Variants in PTPRN2 observed in about 807,000 individuals in gnomAD.
The protein encoded by PTPRN2 is receptor-type tyrosine-protein phosphatase N2.
Under a neutral mutation model 118.8 loss-of-function variants are expected in PTPRN2, and 74 were observed. The observed-to-expected ratio is 0.62, with a 90% CI of 0.52 to 0.76. PTPRN2 has a LOEUF of 0.76. Among genes scored for constraint, PTPRN2 ranks in the 30% least tolerant of loss-of-function variants. The pLI is 0.00. For synonymous variants in PTPRN2, 641 were observed against 608.0 expected, an observed-to-expected ratio of 1.05 and a Z score of -0.80; for missense variants, 1,481 against 1,394.4, an observed-to-expected ratio of 1.06 and a Z score of -0.99.
At chr7:158,194,156 AGT>A (rs769746912) in intron 4 of PTPRN2, among the ~76,000 whole-genome samples, 5 of 146,978 alleles carry the variant, frequency 3.4e-5, no homozygotes, top group African/African-American at 5.2e-5. Flanking sequence ...TGTGTGTGTG[AGT>A]GTGTGAGGGG....
At position 157,986,493 on chromosome 7, in the gene PTPRN2, C is replaced by T. The variant is rs559894945; in HGVS notation, c.1724-87756G>A. ...GAACTGGCTGCATCCGTCTCCATCT[C>T]CCCAAGCACAGGCCATGCCTGCCTC... is the stretch of plus-strand genomic sequence containing the variant. On this transcript the variant is annotated intron_variant, in intron 11 of 22. Transcript: ENST00000389418. This position sits in a 1 kb window ranked among gnomAD's most constrained non-coding sequence, Gnocchi z 4.5. Among the ~76,000 whole-genome samples, 1 of 152,080 alleles carries T rather than the reference C, an allele frequency of 6.6e-6. No individual in the cohort carries two copies.
chr7:158,133,727 C>G lies in PTPRN2; in HGVS notation c.1506G>C (p.Glu502Asp), dbSNP rs752438323. The G allele has an allele frequency of 1.2e-6, 2 of 1,611,132 alleles. No individual in the cohort carries two copies. The highest frequency in any genetic ancestry group is 1.7e-6 in the Non-Finnish European group (2 of 1,178,266). Residue 502 changes from glutamate (E) to aspartate (D), a missense_variant, in exon 9 of 23, where the codon GAG becomes GAC. Glu to Asp is a conservative substitution (Grantham distance 45). Coordinates refer to ENST00000389418, the MANE Select transcript of PTPRN2 (RefSeq NM_002847.5). ...QEALSDGLQL[E>D]VQPSEEEARG... Reference sequence around the variant, plus strand: ...GCGCCTCTTCCTCGGAAGGCTGGACCTCCAATTGCAGGCCGTCGCTGAGGG... The same window carrying G: ...GCGCCTCTTCCTCGGAAGGCTGGACGTCCAATTGCAGGCCGTCGCTGAGGG...
In PTPRN2 at chr7:157,622,543, C is replaced by T. The variant is rs769411223; in HGVS notation, c.2197-1034G>A. ...ACACAGAGGGAGGGAGGGCTGGACA[C>T]GGCGAGGCGGGAATCTCAGGTCATC... On this transcript the variant is annotated intron_variant, in intron 14 of 22. Transcript: ENST00000389418. This position sits in a 1 kb window ranked among gnomAD's most constrained non-coding sequence, Gnocchi z 5.3. 2.7e-4 allele frequency among the ~76,000 whole-genome samples: 41 copies of T among 152,108 alleles called. No homozygotes were observed. Among genetic ancestry groups the T allele is most frequent in the African/African-American group, 8.0e-4 (33 of 41,432 alleles).
chr7:158,322,054 A>G (rs1803066844), intron 2 of PTPRN2, among the ~76,000 whole-genome samples: 2 of 152,142 alleles, frequency 1.3e-5, no homozygotes, highest in South Asian at 4.2e-4. Context: ...GCTCTCATCA[A>G]CGAGGCTCAT....
chr7:157,686,407 C>T (rs1797196266), intron 12 of PTPRN2, among the ~76,000 whole-genome samples: 1 of 152,180 alleles, frequency 6.6e-6, no homozygotes. Context: ...AATGACTTGA[C>T]TCCCTTTTTG....
chr7:157,887,453 T>TC (rs1796523715), intron 12 of PTPRN2, among the ~76,000 whole-genome samples: 3 of 17,886 alleles, frequency 1.7e-4, no homozygotes, highest in African/African-American at 7.5e-4. Context: ...ACCCACTTCC[T>TC]CCAGTACCCG....
At chr7:158,561,273 A>G (rs1195609120) in intron 1 of PTPRN2, among the ~76,000 whole-genome samples, 1 of 152,224 alleles carries the variant, frequency 6.6e-6, no homozygotes, top group African/African-American at 2.4e-5. Context: ...TTTGAAAATT[A>G]CAATTCTGTA....
rs1190026653 is a variant in PTPRN2, at chr7:158,441,245, GGTGA to G, written c.163+48486_163+48489del. ...TGATAGTAATGGTGATGGCAATGAAGGTGATGGTGATGGTGATGGTGATAGTGAT... is the reference window on the plus strand; with the variant it reads ...TGATAGTAATGGTGATGGCAATGAAGTGGTGATGGTGATGGTGATAGTGAT... On this transcript the variant is annotated intron_variant, in intron 2 of 22. Coordinates refer to ENST00000389418, the MANE Select transcript of PTPRN2 (RefSeq NM_002847.5). 6.2e-4 allele frequency among the ~76,000 whole-genome samples: 66 copies of G among 106,850 alleles called. 1 individual carries two copies. Among genetic ancestry groups the G allele is most frequent in the Non-Finnish European group, 1.0e-3 (45 of 44,480 alleles). The allele number at this position is 106,850 out of a possible 152,430, so 70.1% of individuals were successfully genotyped here.
At chr7:157,955,325 C>T (rs1801113776) in intron 11 of PTPRN2, among the ~76,000 whole-genome samples, 1 of 151,756 alleles carries the variant, frequency 6.6e-6, no homozygotes, top group African/African-American at 2.4e-5. Context: ...GGGAGGGTAC[C>T]ATCATGTTTG....
chr7:157,811,332 T>TTATATATATATATA (rs71189737), intron 12 of PTPRN2, among the ~76,000 whole-genome samples: 2,987 of 130,840 alleles, frequency 0.023, 42 homozygotes, highest in Non-Finnish European at 0.025. Flanking sequence ...ATCTACTCTA[T>TTATATATATATATA]TATATATATA....
At chr7:158,350,394 G>A (rs1807838244) in intron 2 of PTPRN2, among the ~76,000 whole-genome samples, 1 of 152,236 alleles carries the variant, frequency 6.6e-6, no homozygotes, top group African/African-American at 2.4e-5. Context: ...AGTGCAGGGA[G>A]GTTGGAATGA....
intron 3 of PTPRN2, among the ~76,000 whole-genome samples, chr7:158,250,811 G>T (rs1796606267): frequency 6.6e-6 from 1 of 152,122 alleles, no homozygotes; most frequent in Non-Finnish European, 1.5e-5. Flanking sequence ...TTTTCAACCA[G>T]TCATAAATGT....
chr7:158,307,897 A>G (rs1801412404), intron 3 of PTPRN2, among the ~76,000 whole-genome samples: 1 of 152,096 alleles, frequency 6.6e-6, no homozygotes. Flanking sequence ...ACTTTCTAAG[A>G]AGAGGAAGGG....
chr7:158,137,449 T>A (rs1039201777), intron 7 of PTPRN2, among the ~76,000 whole-genome samples: 1 of 152,050 alleles, frequency 6.6e-6, no homozygotes. Flanking sequence ...ATAAATTAAT[T>A]AATATCCTAC....
Position 157,585,814 on chromosome 7 carries a change from G to T in PTPRN2, c.2497-7674C>A. 6.6e-6 allele frequency among the ~76,000 whole-genome samples: 1 copy of T among 152,228 alleles called. No individual in the cohort carries two copies. The highest frequency in any genetic ancestry group is 1.9e-4 in the East Asian group (1 of 5,196). ...TGGGAACCAATCACACACAGGAGCAGCAGAGCCTGCTGTTCTCAGCTGGAG... is the reference window on the plus strand; with the variant it reads ...TGGGAACCAATCACACACAGGAGCATCAGAGCCTGCTGTTCTCAGCTGGAG... On this transcript the variant is annotated intron_variant, in intron 17 of 22. Transcript: ENST00000389418. The surrounding 1 kb of genome is among the most constrained non-coding windows in gnomAD (Gnocchi z 5.2).
intron 11 of PTPRN2, among the ~76,000 whole-genome samples, chr7:157,926,540 A>T (rs1160929221): frequency 6.6e-6 from 1 of 152,228 alleles, no homozygotes; most frequent in African/African-American, 2.4e-5. Context: ...ATTTATTTTA[A>T]TATTACCTAA....
In PTPRN2 at chr7:158,146,598, G is replaced by A. The variant is rs540497375; in HGVS notation, c.911-8083C>T. Among the ~76,000 whole-genome samples the A allele has an allele frequency of 2.1e-3, 321 of 150,740 alleles. 6 individuals carry two copies. The highest frequency in any genetic ancestry group is 7.5e-3 in the African/African-American group (305 of 40,696). On this transcript the variant is annotated intron_variant, in intron 6 of 22. Transcript: ENST00000389418. Reference sequence around the variant, plus strand: ...TAGCCAGGCGTGGTGGCGGGCGCCTGTAGTCCCAGCTACTCAGGAGCCTGA... The same window carrying A: ...TAGCCAGGCGTGGTGGCGGGCGCCTATAGTCCCAGCTACTCAGGAGCCTGA...
At chr7:158,062,024 C>A (rs1269163448) in intron 11 of PTPRN2, among the ~76,000 whole-genome samples, 1 of 152,282 alleles carries the variant, frequency 6.6e-6, no homozygotes, top group Non-Finnish European at 1.5e-5. Context: ...GCTGTCAGAG[C>A]AACCTCATTC....
chr7:158,500,020 C>A, intron 1 of PTPRN2, among the ~76,000 whole-genome samples: 1 of 139,172 alleles, frequency 7.2e-6, no homozygotes, highest in African/African-American at 2.7e-5. Context: ...GATTAGAACT[C>A]TTACACTTGA....
Sources: gnomAD v4.1 joint callset for allele counts (sites outside exome capture counted in the v4.1 genomes callset) on GRCh38, gnomAD v4.1.1 for gene constraint, Gnocchi (gnomAD v3.1) non-coding constraint, MANE v1.5 for transcripts, NCBI Gene and HGNC (gene_info 2026-07-23, HGNC 2026-07-21) for gene names.